KAZN: variants seen among roughly 807,000 people sequenced by gnomAD.
KAZN encodes kazrin.
In KAZN, 40 loss-of-function variants were observed where a neutral mutation model predicts 87.4. That is an observed-to-expected ratio of 0.46 (90% CI 0.36 to 0.60). The LOEUF (loss-of-function observed/expected upper bound fraction) is 0.60. Among genes scored for constraint, KAZN ranks in the 20% least tolerant of loss-of-function variants. The pLI, the probability that KAZN is intolerant of heterozygous loss-of-function variation, is 0.00. For missense variants in KAZN, 898 were observed against 1,073.9 expected (o/e 0.84, Z 2.29); for synonymous variants, 466 against 458.3 (o/e 1.02, Z -0.22).
chr1:14,342,892 G>A (rs112765287), intron 2 of KAZN, among the ~76,000 whole-genome samples: 508 of 152,286 alleles, frequency 3.3e-3, no homozygotes, highest in Non-Finnish European at 5.5e-3. Flanking sequence ...TGTAATCCCA[G>A]CATTTTGGGC....
intron 1 of KAZN, among the ~76,000 whole-genome samples, chr1:14,951,170 GCAT>G (rs1460157028): frequency 6.6e-6 from 1 of 152,124 alleles, no homozygotes; most frequent in Non-Finnish European, 1.5e-5. Flanking sequence ...GAGCAAAGAT[GCAT>G]TTCTTTCCTG....
At chr1:14,776,638 A>C (rs77999912) in intron 1 of KAZN, among the ~76,000 whole-genome samples, 1 of 152,132 alleles carries the variant, frequency 6.6e-6, no homozygotes, top group African/African-American at 2.4e-5. Context: ...TCTACATGGT[A>C]ACTTTTTGGG....
At chr1:14,451,539 C>CCT (rs1667275727) in intron 2 of KAZN, among the ~76,000 whole-genome samples, 2 of 151,412 alleles carry the variant, frequency 1.3e-5, no homozygotes, top group Non-Finnish European at 2.9e-5. Flanking sequence ...ACAGAACCCA[C>CCT]CTATGTTCTC....
intron 1 of KAZN, among the ~76,000 whole-genome samples, chr1:14,649,050 TG>T (rs1557863017): frequency 6.6e-6 from 1 of 152,246 alleles, no homozygotes; most frequent in Non-Finnish European, 1.5e-5. Flanking sequence ...AACAATGAAG[TG>T]TGCCCTGATT....
Position 14,575,368 on chromosome 1 carries a change from T to C in KAZN, c.250-23615T>C, listed in dbSNP as rs561521534. On this transcript the variant is annotated intron_variant, in intron 2 of 16. Transcript: ENST00000636203. ...CAGAAGGCAAAAGGCACATCTTACA[T>C]GGTGGCAGACAAGAGAGAATGAGAG... Among the ~76,000 whole-genome samples the C allele has an allele frequency of 1.2e-4, 19 of 152,258 alleles. No individual in the cohort carries two copies. In the South Asian group the frequency reaches 3.9e-3, roughly 32 times the overall value.
chr1:14,000,594 A>C lies in KAZN; in HGVS notation c.91+106838A>C, dbSNP rs183928868. Among the ~76,000 whole-genome samples, 154 of 152,346 alleles carry C rather than the reference A, an allele frequency of 1.0e-3. 1 individual carries two copies. Among genetic ancestry groups the C allele is most frequent in the Non-Finnish European group, 1.6e-3 (107 of 68,028 alleles). On this transcript the variant is annotated intron_variant, in intron 1 of 16. Coordinates refer to the KAZN transcript ENST00000636203. ...TTATGACAAACCCACAATGAATACCATACTGAATGGGCAAAAGCTGGAAGC... is the reference window on the plus strand; with the variant it reads ...TTATGACAAACCCACAATGAATACCCTACTGAATGGGCAAAAGCTGGAAGC...
Position 14,927,374 on chromosome 1 carries a change from C to T in KAZN, c.227-33310C>T, listed in dbSNP as rs564451347. Among the ~76,000 whole-genome samples, 3 of 152,256 alleles carry T rather than the reference C, an allele frequency of 2.0e-5. No individual in the cohort carries two copies. The South Asian group carries it at 6.2e-4, about 32-fold the overall frequency. On this transcript the variant is annotated intron_variant, in intron 1 of 14. Transcript: ENST00000376030. ...GACTGCAGCCCTGGTTTCCATGGAG[C>T]TTATAGTCTGTGGGAGGAGATTTCC...
chr1:15,110,067 CTGTG>C lies in KAZN; in HGVS notation c.2049-2354_2049-2351del, dbSNP rs55700756. 4.1e-3 allele frequency among the ~76,000 whole-genome samples: 612 copies of C among 150,730 alleles called. 5 individuals are homozygous for C. Among genetic ancestry groups the C allele is most frequent in the African/African-American group, 0.014 (582 of 41,048 alleles). On this transcript the variant is annotated intron_variant, in intron 13 of 14. Transcript: ENST00000376030. ...TATATATATATGTGCGTGTGTGTGC[CTGTG>C]TGTGTATGTGTGTATATGTATGTGT...
At chr1:15,052,909 C>A (rs1313462761) in intron 4 of KAZN, among the ~76,000 whole-genome samples, 2 of 152,226 alleles carry the variant, frequency 1.3e-5, no homozygotes, top group African/African-American at 4.8e-5. Context: ...GAGACCCCGC[C>A]TGGGAGAAGG....
At chr1:13,945,851 G>A (rs2100983137) in intron 1 of KAZN, among the ~76,000 whole-genome samples, 1 of 152,260 alleles carries the variant, frequency 6.6e-6, no homozygotes, top group African/African-American at 2.4e-5. Context: ...AATTGGGGAA[G>A]ATGCAGTGGT....
chr1:15,077,843 AGGTAGCAGGG>A lies in KAZN; in HGVS notation c.1222+12094_1222+12103del, dbSNP rs1174280929. Among the ~76,000 whole-genome samples, 5 of 152,288 alleles carry A rather than the reference AGGTAGCAGGG, an allele frequency of 3.3e-5. No individual in the cohort carries two copies. In the East Asian group the frequency reaches 9.6e-4, roughly 29 times the overall value. On this transcript the variant is annotated intron_variant, in intron 8 of 14. Coordinates refer to ENST00000376030, the MANE Select transcript of KAZN (RefSeq NM_201628.3). The surrounding 1 kb of genome is among the most constrained non-coding windows in gnomAD (Gnocchi z 4.8). ...AAGACTGGCTTCATGGGAGCAGGAG[AGGTAGCAGGG>A]GGTGTGAGGAAAGCTAATATGACTT... is the stretch of plus-strand genomic sequence containing the variant.
At chr1:14,504,158 C>T (rs564955242) in intron 2 of KAZN, among the ~76,000 whole-genome samples, 5 of 152,238 alleles carry the variant, frequency 3.3e-5, no homozygotes, top group Admixed American at 6.5e-5. Context: ...CAAAGTATCA[C>T]GGTTTGTGTT....
intron 2 of KAZN, among the ~76,000 whole-genome samples, chr1:14,212,151 C>T (rs1646866747): frequency 6.6e-6 from 1 of 152,194 alleles, no homozygotes; most frequent in South Asian, 2.1e-4. Context: ...CATCCCCCTT[C>T]TTTTAAAGCC....
chr1:14,434,156 A>G (rs779169432), intron 2 of KAZN, among the ~76,000 whole-genome samples: 2 of 152,106 alleles, frequency 1.3e-5, no homozygotes, highest in Non-Finnish European at 2.9e-5. Flanking sequence ...GCCAGACCCC[A>G]CTAGGATCCA....
At chr1:14,968,932 T>C (rs1664740716) in intron 2 of KAZN, among the ~76,000 whole-genome samples, 2 of 152,230 alleles carry the variant, frequency 1.3e-5, no homozygotes, top group African/African-American at 4.8e-5. Context: ...TGTACCTTAC[T>C]TGAATCCTAT....
At chr1:14,559,077 C>T (rs895501901) in intron 2 of KAZN, among the ~76,000 whole-genome samples, 1 of 152,146 alleles carries the variant, frequency 6.6e-6, no homozygotes, top group Non-Finnish European at 1.5e-5. Flanking sequence ...TCAAGCACCT[C>T]CTATAAACTG....
chr1:13,907,511 T>C (rs1570243999), intron 1 of KAZN, among the ~76,000 whole-genome samples: 1 of 133,564 alleles, frequency 7.5e-6, no homozygotes, highest in African/African-American at 2.8e-5. Context: ...GTGTGTGTGT[T>C]GGGTGGGTGG....
At chr1:14,930,215 G>C (rs572488324) in intron 1 of KAZN, among the ~76,000 whole-genome samples, 1 of 152,252 alleles carries the variant, frequency 6.6e-6, no homozygotes, top group East Asian at 1.9e-4. Flanking sequence ...GTAATCTGCC[G>C]GTGCCCGTGG....
intron 1 of KAZN, among the ~76,000 whole-genome samples, chr1:14,918,361 T>C (rs1176998555): frequency 6.6e-6 from 1 of 152,086 alleles, no homozygotes; most frequent in African/African-American, 2.4e-5. Context: ...AATGAGGAAC[T>C]GAGGTTCTCA....
Sources: allele counts gnomAD v4.1 joint callset (sites outside exome capture counted in the v4.1 genomes callset), GRCh38; gene constraint gnomAD v4.1.1; non-coding constraint Gnocchi (gnomAD v3.1); transcripts MANE v1.5; gene names NCBI Gene and HGNC (gene_info 2026-07-23, HGNC 2026-07-21).